Variants in SH3GL2 observed in about 807,000 individuals in gnomAD.
SH3GL2 encodes endophilin-A1.
In SH3GL2, 24 loss-of-function variants were observed where a neutral mutation model predicts 46.0. The ratio of observed to expected loss-of-function variants is 0.52; its 90% confidence interval spans 0.38 to 0.73. SH3GL2 has a LOEUF of 0.73. Among genes scored for constraint, SH3GL2 ranks in the 30% least tolerant of loss-of-function variants. The pLI, the probability that SH3GL2 is intolerant of heterozygous loss-of-function variation, is 0.00. For synonymous variants in SH3GL2, 196 were observed against 147.1 expected (o/e 1.33, Z -2.40); for missense variants, 413 against 424.2 (o/e 0.97, Z 0.23).
In SH3GL2 at chr9:17,735,529, C is replaced by G. The variant is rs570645393; in HGVS notation, c.46-11537C>G. On this transcript the variant is annotated intron_variant, in intron 1 of 8. Transcript: ENST00000380607. The stretch of plus-strand genomic sequence containing the variant: ...TTATACATGAATTTTTTTTTTCAAC[C>G]AAACGTGGGTGGAATATAGAATATT... Among the ~76,000 whole-genome samples, 3 of 151,860 alleles carry G rather than the reference C, an allele frequency of 2.0e-5. No individual in the cohort carries two copies. The East Asian group carries it at 5.8e-4, about 29-fold the overall frequency.
intron 1 of SH3GL2, among the ~76,000 whole-genome samples, chr9:17,612,698 G>T (rs1818896799): frequency 6.6e-6 from 1 of 152,170 alleles, no homozygotes. Flanking sequence ...TTCACCTATT[G>T]AAAGTGTACT....
intron 1 of SH3GL2, among the ~76,000 whole-genome samples, chr9:17,611,927 A>T (rs1326668655): frequency 6.6e-6 from 1 of 152,176 alleles, no homozygotes. Context: ...AAGTAATAGA[A>T]TGCTTTATGG....
intron 1 of SH3GL2, among the ~76,000 whole-genome samples, chr9:17,732,399 A>G (rs898887983): frequency 6.6e-6 from 1 of 152,104 alleles, no homozygotes; most frequent in Middle Eastern, 3.2e-3. Flanking sequence ...TCAAATTAGT[A>G]TAGAGGTTGG....
intron 2 of SH3GL2, among the ~76,000 whole-genome samples, chr9:17,756,095 G>A (rs1435913034): frequency 1.3e-5 from 2 of 152,014 alleles, no homozygotes; most frequent in Non-Finnish European, 2.9e-5. Context: ...ACACAAAAGC[G>A]TCCATTGACA....
intron 1 of SH3GL2, among the ~76,000 whole-genome samples, chr9:17,683,728 A>C (rs1588236446): frequency 6.6e-6 from 1 of 152,076 alleles, no homozygotes; most frequent in South Asian, 2.1e-4. Flanking sequence ...TGGGGAGAAC[A>C]TGGAGAAAGA....
At chr9:17,740,664 ATGT>A (rs1822501455) in intron 1 of SH3GL2, among the ~76,000 whole-genome samples, 1 of 152,138 alleles carries the variant, frequency 6.6e-6, no homozygotes, top group Non-Finnish European at 1.5e-5. Flanking sequence ...GCATTAAGTA[ATGT>A]TGTTCTTTAA....
intron 1 of SH3GL2, among the ~76,000 whole-genome samples, chr9:17,610,363 TTCTG>T (rs758042543): frequency 2.0e-4 from 30 of 152,304 alleles, no homozygotes; most frequent in Non-Finnish European, 3.4e-4. Context: ...GAACACTATG[TTCTG>T]TCTAACAGGC....
chr9:17,744,850 G>T (rs58362676), intron 1 of SH3GL2, among the ~76,000 whole-genome samples: 7,046 of 152,216 alleles, frequency 0.046, 511 homozygotes, highest in African/African-American at 0.16. Flanking sequence ...GCTGAAATAG[G>T]GGATCATCAG....
intron 1 of SH3GL2, among the ~76,000 whole-genome samples, chr9:17,724,928 G>A (rs551491603): frequency 9.2e-5 from 14 of 151,888 alleles, no homozygotes; most frequent in East Asian, 3.9e-4. Context: ...GGATGTATGC[G>A]TGGCTTTCAC....
chr9:17,796,410 A>G lies in SH3GL2; in HGVS notation c.*667A>G, dbSNP rs1229909421. The G allele has an allele frequency of 2.0e-5, 3 of 152,380 alleles. No homozygotes were observed. Among genetic ancestry groups the G allele is most frequent in the African/African-American group, 7.2e-5 (3 of 41,458 alleles). The allele number at this position is 152,380 out of a possible 1,614,324, so 9.4% of individuals were successfully genotyped here. On this transcript the variant is annotated 3_prime_UTR_variant, in exon 9 of 9. Coordinates refer to ENST00000380607, the MANE Select transcript of SH3GL2 (RefSeq NM_003026.5). ...TAATTCCAAATTATTTTTCAGTAAGACAGTTAATCAGCATTATTGTGAGAG... is the reference window on the plus strand; with the variant it reads ...TAATTCCAAATTATTTTTCAGTAAGGCAGTTAATCAGCATTATTGTGAGAG...
intron 1 of SH3GL2, among the ~76,000 whole-genome samples, chr9:17,669,619 T>C (rs1160256137): frequency 1.3e-5 from 2 of 152,196 alleles, no homozygotes; most frequent in East Asian, 3.9e-4. Context: ...TGAGTAGTAG[T>C]GTATGGTATG....
intron 1 of SH3GL2, among the ~76,000 whole-genome samples, chr9:17,655,200 A>G (rs992652578): frequency 4.6e-5 from 7 of 152,188 alleles, no homozygotes; most frequent in African/African-American, 1.7e-4. Context: ...GAAGACTGTA[A>G]TTTCTGATCA....
chr9:17,739,475 A>T (rs539466181), intron 1 of SH3GL2, among the ~76,000 whole-genome samples: 15 of 152,216 alleles, frequency 9.9e-5, no homozygotes, highest in Middle Eastern at 3.4e-3. Context: ...GCAGTGGACT[A>T]TGAAAATGTA....
intron 1 of SH3GL2, among the ~76,000 whole-genome samples, chr9:17,645,575 A>G (rs12001210): frequency 0.02 from 3,056 of 152,198 alleles, 97 homozygotes; most frequent in African/African-American, 0.07. Context: ...TGATGGTGAC[A>G]TAACCTCTCA....
chr9:17,752,899 C>T (rs1444206442), intron 2 of SH3GL2, among the ~76,000 whole-genome samples: 2 of 152,066 alleles, frequency 1.3e-5, no homozygotes, highest in Non-Finnish European at 2.9e-5. Flanking sequence ...TGTGTTGTTC[C>T]CCTCTGTGCG....
At chr9:17,609,244 A>AGGTTTT in intron 1 of SH3GL2, among the ~76,000 whole-genome samples, 1 of 152,230 alleles carries the variant, frequency 6.6e-6, no homozygotes. Context: ...AGTCTGTAAG[A>AGGTTTT]GGTATAATTA....
At chr9:17,725,642 T>A (rs1382157677) in intron 1 of SH3GL2, among the ~76,000 whole-genome samples, 1 of 152,150 alleles carries the variant, frequency 6.6e-6, no homozygotes, top group Non-Finnish European at 1.5e-5. Context: ...AGCCTGCCTC[T>A]CTTCGTGTGG....
intron 1 of SH3GL2, among the ~76,000 whole-genome samples, chr9:17,620,871 G>C (rs572389442): frequency 1.3e-5 from 2 of 152,188 alleles, no homozygotes; most frequent in African/African-American, 4.8e-5. Context: ...GGTCTGAAAG[G>C]GGGAGGTAAG....
chr9:17,600,557 T>A (rs775007887), intron 1 of SH3GL2, among the ~76,000 whole-genome samples: 12 of 152,344 alleles, frequency 7.9e-5, no homozygotes, highest in African/African-American at 1.2e-4. Flanking sequence ...TTCAGCTGCA[T>A]AATGTTGCTG....
Sources: gnomAD v4.1 joint callset for allele counts (sites outside exome capture counted in the v4.1 genomes callset) on GRCh38, gnomAD v4.1.1 for gene constraint, MANE v1.5 for transcripts, NCBI Gene and HGNC (gene_info 2026-07-23, HGNC 2026-07-21) for gene names.